The following CTNNA3 variants were observed in gnomAD, a reference collection of about 807,000 sequenced individuals.
The protein encoded by CTNNA3 is catenin alpha-3.
Under a neutral mutation model 95.7 loss-of-function variants are expected in CTNNA3, and 76 were observed. That is an observed-to-expected ratio of 0.79 (90% CI 0.66 to 0.96). The LOEUF is 0.96. Ranked by LOEUF, CTNNA3 falls within the 40% of genes least tolerant of loss-of-function variation. The probability of loss-of-function intolerance (pLI) is 0.00; values close to 1 mark genes in which losing one functional copy is unlikely to be tolerated. For synonymous variants in CTNNA3, 431 were observed against 374.4 expected (o/e 1.15, Z -1.74); for missense variants, 1,191 against 1,089.8 (o/e 1.09, Z -1.31).
chr10:67,468,174 C>T (rs1847675892), intron 5 of CTNNA3, among the ~76,000 whole-genome samples: 1 of 151,986 alleles, frequency 6.6e-6, no homozygotes, highest in South Asian at 2.1e-4. Flanking sequence ...GATCCTCTCC[C>T]TCCTCCCACC....
At chr10:67,482,971 C>A (rs554247263) in intron 5 of CTNNA3, among the ~76,000 whole-genome samples, 2 of 152,284 alleles carry the variant, frequency 1.3e-5, no homozygotes, top group Admixed American at 1.3e-4. Flanking sequence ...TGAACAGACA[C>A]TTCTCAAAAG....
At chr10:66,100,341 C>T (rs143279135) in intron 14 of CTNNA3, among the ~76,000 whole-genome samples, 76 of 152,240 alleles carry the variant, frequency 5.0e-4, no homozygotes, top group African/African-American at 1.7e-3. Context: ...CATGACTGAG[C>T]AGTTATCAGA....
chr10:66,810,965 CAGAGT>C (rs1841851491), intron 7 of CTNNA3, among the ~76,000 whole-genome samples: 1 of 152,122 alleles, frequency 6.6e-6, no homozygotes, highest in Admixed American at 6.6e-5. Flanking sequence ...AGGTATTAAG[CAGAGT>C]ATATTGTACC....
chr10:67,004,009 T>C (rs981426951), intron 7 of CTNNA3, among the ~76,000 whole-genome samples: 5 of 152,104 alleles, frequency 3.3e-5, no homozygotes, highest in South Asian at 2.1e-4. Flanking sequence ...ATTACAAATA[T>C]TGAGTGGAGG....
At chr10:66,632,869 G>A (rs181159387) in intron 9 of CTNNA3, among the ~76,000 whole-genome samples, 1 of 152,064 alleles carries the variant, frequency 6.6e-6, no homozygotes, top group East Asian at 1.9e-4. Flanking sequence ...AGGAAAAAAG[G>A]CCATTAAAAA....
intron 7 of CTNNA3, among the ~76,000 whole-genome samples, chr10:66,975,904 T>C (rs777442829): frequency 9.2e-5 from 14 of 152,210 alleles, no homozygotes; most frequent in African/African-American, 2.2e-4. Flanking sequence ...TACCTCCTTA[T>C]AGGAAAATAT....
intron 17 of CTNNA3, among the ~76,000 whole-genome samples, chr10:65,925,127 T>G (rs1318847527): frequency 1.3e-5 from 2 of 152,150 alleles, no homozygotes; most frequent in Non-Finnish European, 2.9e-5. Context: ...AACCTGAAAC[T>G]AACAGAAAAT....
intron 16 of CTNNA3, among the ~76,000 whole-genome samples, chr10:65,968,196 C>G (rs998995197): frequency 6.6e-6 from 1 of 151,934 alleles, no homozygotes; most frequent in African/African-American, 2.4e-5. Flanking sequence ...TTGAGACCAG[C>G]CTGGGGAACA....
chr10:67,080,395 C>T (rs1383546795), intron 7 of CTNNA3, among the ~76,000 whole-genome samples: 1 of 152,128 alleles, frequency 6.6e-6, no homozygotes, highest in Admixed American at 6.6e-5. Context: ...GTCAGGAACA[C>T]ATTTAAATAA....
chr10:67,377,899 T>A (rs79438412), intron 5 of CTNNA3, among the ~76,000 whole-genome samples: 1 of 152,120 alleles, frequency 6.6e-6, no homozygotes, highest in African/African-American at 2.4e-5. Context: ...ACTTTTTTTT[T>A]AAGAGACAGT....
chr10:66,447,995 C>A (rs1305126713), intron 11 of CTNNA3, among the ~76,000 whole-genome samples: 1 of 152,112 alleles, frequency 6.6e-6, no homozygotes, highest in East Asian at 1.9e-4. Flanking sequence ...AAACAAACAA[C>A]CCCATCAAAA....
At chr10:66,295,415 A>G (rs1200839540) in intron 12 of CTNNA3, among the ~76,000 whole-genome samples, 2 of 152,194 alleles carry the variant, frequency 1.3e-5, no homozygotes, top group Non-Finnish European at 2.9e-5. Context: ...TCCTATCTAC[A>G]TTCAGAATGG....
intron 7 of CTNNA3, among the ~76,000 whole-genome samples, chr10:67,142,655 T>G (rs1860628920): frequency 6.6e-6 from 1 of 152,180 alleles, no homozygotes; most frequent in Non-Finnish European, 1.5e-5. Context: ...TGCTAAAGGC[T>G]GGGCGCAGTG....
intron 14 of CTNNA3, among the ~76,000 whole-genome samples, chr10:66,082,261 T>A (rs575141388): frequency 6.6e-6 from 1 of 151,810 alleles, no homozygotes; most frequent in Non-Finnish European, 1.5e-5. Context: ...AGAAATAAGA[T>A]CTATTAATAT....
At chr10:67,524,845 A>G (rs374723064) in intron 4 of CTNNA3, among the ~76,000 whole-genome samples, 82 of 152,186 alleles carry the variant, frequency 5.4e-4, no homozygotes, top group African/African-American at 2.0e-3. Flanking sequence ...TACAGAAGAT[A>G]AAAGTTAGGT....
intron 17 of CTNNA3, among the ~76,000 whole-genome samples, chr10:65,965,164 T>C (rs920063765): frequency 6.6e-6 from 1 of 152,172 alleles, no homozygotes; most frequent in African/African-American, 2.4e-5. Context: ...TTATTCACTT[T>C]CGACTTGTGT....
intron 7 of CTNNA3, among the ~76,000 whole-genome samples, chr10:67,069,906 C>T (rs956158955): frequency 9.9e-5 from 15 of 152,124 alleles, no homozygotes; most frequent in Non-Finnish European, 1.6e-4. Flanking sequence ...AACATGTGTA[C>T]ATATTTCTCC....
intron 1 of CTNNA3, among the ~76,000 whole-genome samples, chr10:67,744,871 A>C (rs1008501371): frequency 7.9e-5 from 12 of 152,312 alleles, no homozygotes; most frequent in African/African-American, 1.9e-4. Flanking sequence ...CATTTCTCAA[A>C]AGAAGACATT....
chr10:66,540,663 CCCTTTCTTCCTTTCTT>C (rs59005026), intron 10 of CTNNA3, among the ~76,000 whole-genome samples: 1 of 149,446 alleles, frequency 6.7e-6, no homozygotes, highest in Non-Finnish European at 1.5e-5. Context: ...CTTCCTTTCT[CCCTTTCTTCCTTTCTT>C]CCTTTCTTCC....
Sources: allele counts gnomAD v4.1 joint callset (sites outside exome capture counted in the v4.1 genomes callset), GRCh38; gene constraint gnomAD v4.1.1; transcripts MANE v1.5; gene names NCBI Gene and HGNC (gene_info 2026-07-23, HGNC 2026-07-21).